Variants in CPNE4 observed in about 807,000 individuals in gnomAD.
The protein encoded by CPNE4 is copine-4.
Under a neutral mutation model 67.9 loss-of-function variants are expected in CPNE4, and 25 were observed. The observed-to-expected ratio is 0.37, with a 90% CI of 0.27 to 0.51. CPNE4 has a LOEUF of 0.51. Among genes scored for constraint, CPNE4 ranks in the 20% least tolerant of loss-of-function variants. The probability of loss-of-function intolerance (pLI) is 0.93; values close to 1 mark genes in which losing one functional copy is unlikely to be tolerated. For missense variants in CPNE4, 464 were observed against 690.8 expected (o/e 0.67, Z 3.68); for synonymous variants, 242 against 244.9 (o/e 0.99, Z 0.11).
At chr3:131,641,856 G>A (rs2079549252) in intron 7 of CPNE4, among the ~76,000 whole-genome samples, 1 of 152,214 alleles carries the variant, frequency 6.6e-6, no homozygotes, top group Non-Finnish European at 1.5e-5. Flanking sequence ...GGCATTCGCA[G>A]CAACCTGGAT....
At chr3:131,556,995 T>A (rs1936494156) in intron 11 of CPNE4, among the ~76,000 whole-genome samples, 1 of 152,134 alleles carries the variant, frequency 6.6e-6, no homozygotes. Flanking sequence ...CTAAGTGGCC[T>A]ATGGTGATTA....
At chr3:131,841,636 C>A (rs1328441672) in intron 2 of CPNE4, among the ~76,000 whole-genome samples, 1 of 152,116 alleles carries the variant, frequency 6.6e-6, no homozygotes, top group Non-Finnish European at 1.5e-5. Flanking sequence ...CCTTCCCCAC[C>A]CCATGTCCAT....
At chr3:131,611,543 G>T (rs948184791) in intron 7 of CPNE4, among the ~76,000 whole-genome samples, 1 of 152,066 alleles carries the variant, frequency 6.6e-6, no homozygotes, top group Non-Finnish European at 1.5e-5. Context: ...ATTTAAATAA[G>T]CTGGTTGCTA....
Position 131,545,923 on chromosome 3 carries a change from G to A in CPNE4, c.1303-3130C>T, listed in dbSNP as rs765762431. Among the ~76,000 whole-genome samples, 31 of 152,184 alleles carry A rather than the reference G, an allele frequency of 2.0e-4. 1 individual carries two copies. The highest frequency in any genetic ancestry group is 3.9e-4 in the Admixed American group (6 of 15,290). ...CTAAAAATACAAAAATTGGCTGGGCGTGGTGGCACGTGCCTGTAATCCCAG... is the reference window on the plus strand; with the variant it reads ...CTAAAAATACAAAAATTGGCTGGGCATGGTGGCACGTGCCTGTAATCCCAG... On this transcript the variant is annotated intron_variant, in intron 14 of 15. Transcript: ENST00000429747.
chr3:131,958,740 C>G (rs1285552076), intron 1 of CPNE4, among the ~76,000 whole-genome samples: 2 of 149,664 alleles, frequency 1.3e-5, no homozygotes, highest in African/African-American at 4.9e-5. Flanking sequence ...CTCACGGCAA[C>G]CTCCACCTCT....
At chr3:132,008,293 C>T (rs1329061636) in intron 1 of CPNE4, among the ~76,000 whole-genome samples, 1 of 152,096 alleles carries the variant, frequency 6.6e-6, no homozygotes, top group African/African-American at 2.4e-5. Context: ...AATATCAATT[C>T]TAGAGCAGAC....
At chr3:132,038,133 C>A (rs1481315308), upstream of CPNE4, among the ~76,000 whole-genome samples, 3 of 150,328 alleles carry the variant, frequency 2.0e-5, no homozygotes, top group East Asian at 5.9e-4. Flanking sequence ...AAAATTTGTT[C>A]TTTTTTTCTA....
At chr3:131,757,985 G>A (rs142986627) in intron 2 of CPNE4, among the ~76,000 whole-genome samples, 1 of 152,224 alleles carries the variant, frequency 6.6e-6, no homozygotes, top group East Asian at 1.9e-4. Context: ...TTCAGAAGAT[G>A]TATGGAAATG....
chr3:131,560,786 A>G (rs1018071553), intron 11 of CPNE4, among the ~76,000 whole-genome samples: 1 of 152,058 alleles, frequency 6.6e-6, no homozygotes, highest in Non-Finnish European at 1.5e-5. Flanking sequence ...AACCCTGGAT[A>G]CCTAGCAGGA....
At chr3:131,984,958 TG>T (rs1440830685) in intron 1 of CPNE4, among the ~76,000 whole-genome samples, 1 of 152,242 alleles carries the variant, frequency 6.6e-6, no homozygotes, top group Non-Finnish European at 1.5e-5. Flanking sequence ...CAGTATTTCC[TG>T]GGGTGACCTC....
chr3:131,909,637 G>A (rs2088903307), intron 1 of CPNE4, among the ~76,000 whole-genome samples: 1 of 152,050 alleles, frequency 6.6e-6, no homozygotes, highest in Admixed American at 6.6e-5. Flanking sequence ...AATAGCAGAG[G>A]TGACACATTT....
intron 6 of CPNE4, among the ~76,000 whole-genome samples, chr3:131,672,024 T>C (rs1192409571): frequency 1.3e-5 from 2 of 152,266 alleles, no homozygotes; most frequent in East Asian, 3.9e-4. Flanking sequence ...ATGAGTTCAG[T>C]TGTTTTTATA....
intron 2 of CPNE4, among the ~76,000 whole-genome samples, chr3:131,875,269 G>C (rs1054623108): frequency 2.6e-5 from 4 of 152,044 alleles, no homozygotes; most frequent in Non-Finnish European, 5.9e-5. Flanking sequence ...TCAGTGTGGC[G>C]ATTCCTCAGG....
chr3:131,882,622 A>G (rs1173062225), intron 2 of CPNE4, among the ~76,000 whole-genome samples: 1 of 152,156 alleles, frequency 6.6e-6, no homozygotes, highest in Non-Finnish European at 1.5e-5. Flanking sequence ...GGTGTTAGAC[A>G]CTATTGTGCA....
Position 131,669,681 on chromosome 3 carries a change from C to G in CPNE4, c.675G>C (p.Arg225=). The change falls in exon 7 of 16, where the codon CGG becomes CGC. Residue 225 remains arginine, a synonymous_variant. Transcript: ENST00000429747. ...TTGGACACAGATTTCTGACCTTTAG[C>G]CGGCGGTCTGGGTCTCCGCTGCATA... ...NSLCSGDPDR[R]LKCIVWDWDS... is the part of the protein sequence containing the mutation. 6.2e-7 allele frequency: 1 copy of G among 1,609,532 alleles called. No homozygotes were observed. The highest frequency in any genetic ancestry group is 2.2e-5 in the East Asian group (1 of 44,786).
At chr3:131,999,971 A>G (rs1473302389) in intron 1 of CPNE4, among the ~76,000 whole-genome samples, 3 of 151,894 alleles carry the variant, frequency 2.0e-5, no homozygotes, top group Non-Finnish European at 4.4e-5. Context: ...TCCTGTAGTC[A>G]TTTAACATTT....
In CPNE4 at chr3:131,547,455, C is replaced by CAAAAAAAAAAAAAAAAAAAAAAAA. The variant is rs56412825; in HGVS notation, c.1302+2468_1302+2491dup. ...TGGGTGATAGACCAAGACCCTGTCG[C>CAAAAAAAAAAAAAAAAAAAAAAAA]AAAAAAAAAAAAAAAAAAAAAAAAA... On this transcript the variant is annotated intron_variant, in intron 14 of 15. Coordinates refer to ENST00000429747, the MANE Select transcript of CPNE4 (RefSeq NM_130808.3). Among the ~76,000 whole-genome samples, 4 of 36,524 alleles carry CAAAAAAAAAAAAAAAAAAAAAAAA rather than the reference C, an allele frequency of 1.1e-4. 2 individuals are homozygous for CAAAAAAAAAAAAAAAAAAAAAAAA. Among genetic ancestry groups the CAAAAAAAAAAAAAAAAAAAAAAAA allele is most frequent in the Admixed American group, 7.9e-4 (2 of 2,538 alleles). The allele number at this position is 36,524 out of a possible 152,430, so 24.0% of individuals were successfully genotyped here.
At chr3:131,637,384 G>A (rs530709889) in intron 7 of CPNE4, among the ~76,000 whole-genome samples, 25 of 152,284 alleles carry the variant, frequency 1.6e-4, no homozygotes, top group African/African-American at 5.8e-4. Flanking sequence ...AATACTTAGA[G>A]TAATGCAAAA....
chr3:131,843,001 C>T (rs1401935701), intron 2 of CPNE4, among the ~76,000 whole-genome samples: 2 of 152,162 alleles, frequency 1.3e-5, no homozygotes, highest in Non-Finnish European at 2.9e-5. Context: ...CCTAATCTCA[C>T]CCCTTCCGCT....
Sources: allele counts gnomAD v4.1 joint callset (sites outside exome capture counted in the v4.1 genomes callset), GRCh38; gene constraint gnomAD v4.1.1; transcripts MANE v1.5; gene names NCBI Gene and HGNC (gene_info 2026-07-23, HGNC 2026-07-21).